The following PASD1 variants were observed in gnomAD, a reference collection of about 807,000 sequenced individuals.
PASD1 encodes the protein PAS domain containing repressor 1.
A neutral mutation model predicts 58.8 loss-of-function variants in PASD1; 13 were observed. That is an observed-to-expected ratio of 0.22 (90% CI 0.14 to 0.35). PASD1 has a LOEUF of 0.35. Ranked by LOEUF, PASD1 falls within the 10% of genes least tolerant of loss-of-function variation. The probability of loss-of-function intolerance (pLI) is 1.00; values close to 1 mark genes in which losing one functional copy is unlikely to be tolerated. For synonymous variants in PASD1, 236 were observed against 216.7 expected, an observed-to-expected ratio of 1.09 and a Z score of -0.78; for missense variants, 734 against 568.3, an observed-to-expected ratio of 1.29 and a Z score of -2.96.
At chrX:151,627,726 G>A (rs2013809267) in intron 8 of PASD1, among the ~76,000 whole-genome samples, 1 of 111,712 alleles carries the variant, frequency 9.0e-6, no homozygotes, top group African/African-American at 3.3e-5. Context: ...ACCCAGTAAT[G>A]GGATGGCTGG....
rs1243285209 is a variant in PASD1 at position 151,627,216 on chromosome X, T to C, written c.629+1686T>C. Among the ~76,000 whole-genome samples, 4 of 110,888 alleles carry C rather than the reference T, an allele frequency of 3.6e-5. No individual in the cohort carries two copies. The East Asian group carries it at 1.1e-3, about 31-fold the overall frequency. ...AAATTTTTATTTATTATTTATTTAT[T>C]TATTATACTTTAAGTTTTAGGGTAC... On this transcript the variant is annotated intron_variant, in intron 8 of 15. Transcript: ENST00000370357.
intron 10 of PASD1, among the ~76,000 whole-genome samples, chrX:151,661,682 C>T (rs2014313311): frequency 9.0e-6 from 1 of 111,640 alleles, no homozygotes; most frequent in African/African-American, 3.3e-5. Context: ...AATAACTAAT[C>T]CAGGATCCCT....
chrX:151,666,869 G>A (rs2014390286), intron 11 of PASD1, among the ~76,000 whole-genome samples: 1 of 106,043 alleles, frequency 9.4e-6, no homozygotes, highest in Non-Finnish European at 1.9e-5. Context: ...CTTTATAGCA[G>A]CATGATTTAT....
At chrX:151,632,017 T>C (rs1308572612) in intron 8 of PASD1, among the ~76,000 whole-genome samples, 2 of 111,070 alleles carry the variant, frequency 1.8e-5, no homozygotes, top group Non-Finnish European at 3.8e-5. Flanking sequence ...GATATGGTAG[T>C]GAGCAAAAGT....
In PASD1 at chrX:151,674,057, C is replaced by T. The variant is rs766326954; in HGVS notation, c.2046C>T (p.Thr682=). 1 of 1,211,688 alleles carries T rather than the reference C, an allele frequency of 8.3e-7. No individual in the cohort carries two copies. The highest frequency in any genetic ancestry group is 2.2e-5 in the Admixed American group (1 of 46,048). ...FPITSDSTIS[T]LETPQDYIRL... is the part of the protein sequence containing the mutation. ...TAACTTCAGACTCAACCATAAGCAC[C>T]CTGGAGACCCCACAGGATTACATCC... Residue 682 remains threonine (T), a synonymous_variant, in exon 15 of 16, where the codon ACC becomes ACT. Coordinates refer to ENST00000370357, the MANE Select transcript of PASD1 (RefSeq NM_173493.3).
intron 1 of PASD1, among the ~76,000 whole-genome samples, chrX:151,564,600 A>C (rs1569395083): frequency 9.1e-6 from 1 of 110,373 alleles, no homozygotes. Flanking sequence ...GTATCTGAAG[A>C]CCGATAATGG....
intron 1 of PASD1, among the ~76,000 whole-genome samples, chrX:151,590,222 TA>T (rs1405830807): frequency 1.8e-5 from 2 of 112,309 alleles, no homozygotes; most frequent in Non-Finnish European, 3.8e-5. Context: ...AATTCAACTT[TA>T]AAAGGCAGAA....
intron 1 of PASD1, 87 bp from the exon 2 acceptor site, chrX:151,601,440 A>G (rs2013414331): frequency 2.9e-6 from 2 of 680,741 alleles, no homozygotes; most frequent in South Asian, 2.9e-5. Context: ...GTGTTACACA[A>G]TTGAGAATTT....
chrX:151,581,502 A>G (rs962140025), intron 1 of PASD1, among the ~76,000 whole-genome samples: 9 of 109,803 alleles, frequency 8.2e-5, no homozygotes, highest in Non-Finnish European at 1.5e-4. Flanking sequence ...GAGGTAGAGT[A>G]TCACTTGAGC....
chrX:151,579,773 C>G (rs191735042), intron 1 of PASD1, among the ~76,000 whole-genome samples: 64 of 112,021 alleles, frequency 5.7e-4, no homozygotes, highest in Non-Finnish European at 1.0e-3. Flanking sequence ...TTTAGTACTT[C>G]ACATTATTTT....
chrX:151,566,859 G>C (rs1324209396), intron 1 of PASD1, among the ~76,000 whole-genome samples: 1 of 109,021 alleles, frequency 9.2e-6, no homozygotes, highest in Admixed American at 1.0e-4. Flanking sequence ...CTGAGGTCGG[G>C]AGTTTGAGAC....
intron 3 of PASD1, among the ~76,000 whole-genome samples, chrX:151,608,307 A>G (rs952907721): frequency 8.9e-6 from 1 of 111,896 alleles, no homozygotes; most frequent in African/African-American, 3.2e-5. Context: ...TCTTTTCACC[A>G]ATTTTGAGGC....
At chrX:151,580,360 T>C (rs1474558764) in intron 1 of PASD1, among the ~76,000 whole-genome samples, 1 of 111,868 alleles carries the variant, frequency 8.9e-6, no homozygotes, top group East Asian at 2.8e-4. Context: ...ATGTGTTACA[T>C]GATGTGTGTT....
chrX:151,651,700 T>C (rs753508681), intron 9 of PASD1, among the ~76,000 whole-genome samples: 1 of 112,474 alleles, frequency 8.9e-6, no homozygotes, highest in African/African-American at 3.2e-5. Context: ...AAAAGAATAA[T>C]AACACTGAAA....
intron 8 of PASD1, among the ~76,000 whole-genome samples, chrX:151,641,840 A>ACG (rs1347564599): frequency 1.4e-3 from 146 of 103,564 alleles, no homozygotes; most frequent in African/African-American, 3.3e-3. Flanking sequence ...ACACACACAC[A>ACG]CGCGCGCGCG....
intron 1 of PASD1, among the ~76,000 whole-genome samples, chrX:151,600,090 C>T (rs1398638006): frequency 1.8e-5 from 2 of 112,206 alleles, no homozygotes; most frequent in Non-Finnish European, 1.9e-5. Context: ...AGGCGAAACC[C>T]CGTCTCCACC....
In PASD1 at chrX:151,571,729, T is replaced by C. The variant is rs757016927; in HGVS notation, c.-28+7890T>C. 1.4e-4 allele frequency among the ~76,000 whole-genome samples: 16 copies of C among 112,282 alleles called. No individual in the cohort carries two copies. The East Asian group carries it at 4.5e-3, about 31-fold the overall frequency. ...TGACTTTTCTTTCAGTACTTTTCCA[T>C]GATTCAGTTTTTCTTTAAGAAAAAA... is the stretch of plus-strand genomic sequence containing the variant. On this transcript the variant is annotated intron_variant, in intron 1 of 15. Transcript: ENST00000370357.
chrX:151,605,313 A>T (rs2013474593), intron 3 of PASD1, among the ~76,000 whole-genome samples: 1 of 111,718 alleles, frequency 9.0e-6, no homozygotes, highest in Non-Finnish European at 1.9e-5. Flanking sequence ...TCTTTATCTC[A>T]TTGAGATGAT....
intron 11 of PASD1, among the ~76,000 whole-genome samples, chrX:151,669,897 T>C (rs1383629732): frequency 1.8e-5 from 2 of 112,026 alleles, no homozygotes; most frequent in Admixed American, 9.5e-5. Context: ...TCCTTTCTTC[T>C]GGTGTATACT....
Sources: gnomAD v4.1 joint callset for allele counts (sites outside exome capture counted in the v4.1 genomes callset) on GRCh38, gnomAD v4.1.1 for gene constraint, MANE v1.5 for transcripts, NCBI Gene and HGNC (gene_info 2026-07-23, HGNC 2026-07-21) for gene names.